GRAMD1B: variants seen among roughly 807,000 people sequenced by gnomAD.
GRAMD1B encodes the protein protein Aster-B.
In GRAMD1B, 37 loss-of-function variants were observed where a neutral mutation model predicts 99.7. The ratio of observed to expected loss-of-function variants is 0.37; its 90% confidence interval spans 0.29 to 0.49. GRAMD1B has a LOEUF of 0.49. GRAMD1B is among the 20% of genes least tolerant of loss of function. The pLI is 0.98. For missense variants in GRAMD1B, 888 were observed against 1,009.2 expected, an observed-to-expected ratio of 0.88 and a Z score of 1.63; for synonymous variants, 427 against 387.6, an observed-to-expected ratio of 1.10 and a Z score of -1.19.
intron 1 of GRAMD1B, among the ~76,000 whole-genome samples, chr11:123,451,091 CA>C (rs1487237904): frequency 6.6e-6 from 1 of 152,176 alleles, no homozygotes; most frequent in East Asian, 1.9e-4. Context: ...ATGGCACTCA[CA>C]AGGACACAAA....
chr11:123,359,045 G>C (rs1267172185), intron 1 of GRAMD1B, among the ~76,000 whole-genome samples: 2 of 152,194 alleles, frequency 1.3e-5, no homozygotes. Context: ...AAACCACTGA[G>C]ATAGATAGAT....
intron 1 of GRAMD1B, among the ~76,000 whole-genome samples, chr11:123,445,230 T>C (rs1235177099): frequency 2.0e-5 from 3 of 152,194 alleles, no homozygotes; most frequent in African/African-American, 7.2e-5. Context: ...CTTAACCTTG[T>C]CGTGTTCTTT....
chr11:123,614,507 A>G (rs1954075935), intron 16 of GRAMD1B, among the ~76,000 whole-genome samples: 1 of 152,136 alleles, frequency 6.6e-6, no homozygotes, highest in Non-Finnish European at 1.5e-5. Context: ...TCCTAGCTAC[A>G]TGGGCCTGTT....
chr11:123,619,549 C>T (rs1001824471), intron 19 of GRAMD1B: 1 of 1,187,218 alleles, frequency 8.4e-7, no homozygotes, highest in Admixed American at 3.8e-5. Flanking sequence ...AACAGAGAAC[C>T]CCCTCAGCCC....
rs770363124 is a variant in GRAMD1B at position 123,614,804 on chromosome 11, G to A, written c.2287G>A (p.Val763Met). 1.6e-5 allele frequency: 26 copies of A among 1,610,944 alleles called. No individual in the cohort carries two copies. Among genetic ancestry groups the A allele is most frequent in the African/African-American group, 6.7e-5 (5 of 74,878 alleles). ...CCCCAACGGTTTCCACCTGCAGAGC[G>A]TGTCCAAGCTGCTGCTGGTTATCAG... ...DTPNGFHLQS[V>M]SKLLLVISCV... Residue 763 changes from valine to methionine, a missense_variant, in exon 17 of 20, where the codon GTG becomes ATG. Transcript: ENST00000635736.
At chr11:123,596,981 A>G (rs1309959831) in intron 7 of GRAMD1B, among the ~76,000 whole-genome samples, 2 of 152,082 alleles carry the variant, frequency 1.3e-5, no homozygotes, top group Middle Eastern at 3.2e-3. Context: ...AATATTAGCT[A>G]CTTTTACAGT....
chr11:123,546,077 C>G lies in GRAMD1B; in HGVS notation c.453-31290C>G, dbSNP rs369794738. 1.5e-4 allele frequency among the ~76,000 whole-genome samples: 23 copies of G among 152,360 alleles called. 1 individual carries two copies. The East Asian group carries it at 3.5e-3, about 23-fold the overall frequency. The stretch of plus-strand genomic sequence containing the variant: ...AGCCACATCTACAAGGCTCACTGAC[C>G]TCTTTGGATGGAATTGAAGGAAAAC... On this transcript the variant is annotated intron_variant, in intron 2 of 19. Coordinates refer to ENST00000635736, the MANE Select transcript of GRAMD1B (RefSeq NM_001387025.1).
chr11:123,477,652 C>T (rs911365128), intron 1 of GRAMD1B, among the ~76,000 whole-genome samples: 2 of 144,228 alleles, frequency 1.4e-5, no homozygotes, highest in Non-Finnish European at 3.0e-5. Flanking sequence ...CCCTCCCTTC[C>T]CCTTTCCCTT....
At position 123,513,617 on chromosome 11, in the gene GRAMD1B, C is replaced by CCTTTCTTTCTTT. The variant is rs776071975; in HGVS notation, c.452+32741_452+32752dup. Among the ~76,000 whole-genome samples, 116 of 45,800 alleles carry CCTTTCTTTCTTT rather than the reference C, an allele frequency of 2.5e-3. 1 individual carries two copies. Among genetic ancestry groups the CCTTTCTTTCTTT allele is most frequent in the Non-Finnish European group, 3.6e-3 (85 of 23,636 alleles). The allele number at this position is 45,800 out of a possible 152,430, so 30.0% of individuals were successfully genotyped here. ...TCCTTCCTTCCTTCCTTCCTTCCTT[C>CCTTTCTTTCTTT]CTTTCTTTCTTTCTTTCTTTCTTTC... On this transcript the variant is annotated intron_variant, in intron 2 of 19. Coordinates refer to ENST00000635736, the MANE Select transcript of GRAMD1B (RefSeq NM_001387025.1).
At chr11:123,614,171 G>A (rs925917525) in intron 16 of GRAMD1B, among the ~76,000 whole-genome samples, 1 of 152,170 alleles carries the variant, frequency 6.6e-6, no homozygotes, top group African/African-American at 2.4e-5. Flanking sequence ...GGAAACCTGG[G>A]ACTCTAAGGG....
chr11:123,560,767 C>T (rs539251730), intron 2 of GRAMD1B: 18 of 449,660 alleles, frequency 4.0e-5, no homozygotes, highest in Non-Finnish European at 6.2e-5. Flanking sequence ...TTTTTGGAAG[C>T]GGTGGCTCTG....
At chr11:123,560,476 T>G in intron 2 of GRAMD1B, 2 of 1,221,234 alleles carry the variant, frequency 1.6e-6, no homozygotes, top group Non-Finnish European at 2.1e-6. Context: ...CTGAGAGCCC[T>G]GGCCCGAGTC....
intron 1 of GRAMD1B, among the ~76,000 whole-genome samples, chr11:123,378,148 T>G (rs1257293420): frequency 6.6e-6 from 1 of 152,226 alleles, no homozygotes; most frequent in African/African-American, 2.4e-5. Context: ...GGTGCTATCT[T>G]ACTTCTGAAG....
At chr11:123,366,615 G>T (rs1049452821) in intron 1 of GRAMD1B, among the ~76,000 whole-genome samples, 1 of 152,182 alleles carries the variant, frequency 6.6e-6, no homozygotes, top group Admixed American at 6.5e-5. Flanking sequence ...GAAGATGAAA[G>T]GTGGTACAAA....
chr11:123,551,746 G>C (rs1236550583), intron 2 of GRAMD1B, among the ~76,000 whole-genome samples: 1 of 152,162 alleles, frequency 6.6e-6, no homozygotes, highest in Non-Finnish European at 1.5e-5. Context: ...CCTGTTGGTA[G>C]TTTCTTCATT....
intron 2 of GRAMD1B, among the ~76,000 whole-genome samples, chr11:123,552,273 C>CTTTTTTTTTT (rs71060514): frequency 4.0e-4 from 48 of 119,356 alleles, no homozygotes; most frequent in Non-Finnish European, 5.3e-4. Flanking sequence ...CTCTTTCTTT[C>CTTTTTTTTTT]TTTTTTTTTT....
At chr11:123,370,856 A>C (rs1005528969) in intron 1 of GRAMD1B, among the ~76,000 whole-genome samples, 1 of 152,132 alleles carries the variant, frequency 6.6e-6, no homozygotes, top group South Asian at 2.1e-4. Context: ...CTCAATCTGC[A>C]CCATACCCCA....
At chr11:123,425,762 G>A (rs1948625193), upstream of GRAMD1B, among the ~76,000 whole-genome samples, 2 of 152,166 alleles carry the variant, frequency 1.3e-5, no homozygotes, top group East Asian at 1.9e-4. Context: ...TTTGATTTAG[G>A]TTGTATTTAA....
intron 5 of GRAMD1B, 46 bp downstream of exon 5, chr11:123,594,212 C>T: frequency 7.6e-7 from 1 of 1,321,980 alleles, no homozygotes; most frequent in Non-Finnish European, 1.1e-6. Context: ...GTCTGGGGAG[C>T]CCCCGGCATA....
Sources: gnomAD v4.1 joint callset for allele counts (sites outside exome capture counted in the v4.1 genomes callset) on GRCh38, gnomAD v4.1.1 for gene constraint, MANE v1.5 for transcripts, NCBI Gene and HGNC (gene_info 2026-07-23, HGNC 2026-07-21) for gene names.